Variants in REXO2 observed in about 807,000 individuals in gnomAD.
The protein encoded by REXO2 is RNA exonuclease 2.
REXO2 carries 17 observed loss-of-function variants against 30.9 expected under a neutral mutation model. The ratio of observed to expected loss-of-function variants is 0.55; its 90% CI spans 0.38 to 0.82. REXO2 has a LOEUF of 0.82. REXO2 is among the 40% of genes least tolerant of loss of function. REXO2 has a pLI of 0.00. For missense variants in REXO2, 253 were observed against 293.2 expected, an observed-to-expected ratio of 0.86 and a Z score of 1.00; for synonymous variants, 105 against 99.6, an observed-to-expected ratio of 1.05 and a Z score of -0.32.
At position 114,446,933 on chromosome 11, in the gene REXO2, C is replaced by CTTTTT. The variant is rs539152554; in HGVS notation, c.530+865_530+869dup. ...AAGTGGTAGAAAGATAGAAAGGAGG[C>CTTTTT]TTTTTTTTTTTTTTTTTTTTTTTGA... On this transcript the variant is annotated intron_variant, in intron 5 of 6. Transcript: ENST00000265881. Among the ~76,000 whole-genome samples, 68 of 94,362 alleles carry CTTTTT rather than the reference C, an allele frequency of 7.2e-4. 1 individual carries two copies. Among genetic ancestry groups the CTTTTT allele is most frequent in the African/African-American group, 2.0e-3 (46 of 23,064 alleles). 61.9% of individuals were successfully genotyped at this position (94,362 alleles called of 152,430 possible).
At chr11:114,439,827 G>C in intron 1 of REXO2, 152 bp downstream of exon 1, 1 of 888,094 alleles carries the variant, frequency 1.1e-6, no homozygotes, top group Non-Finnish European at 1.6e-6. Context: ...GGCAAGTCCG[G>C]AGGCAGGAGT....
chr11:114,448,169 C>A (rs1322545276), intron 6 of REXO2, among the ~76,000 whole-genome samples: 2 of 152,150 alleles, frequency 1.3e-5, no homozygotes, highest in Non-Finnish European at 2.9e-5. Context: ...TGTTAACTTT[C>A]TTCCCACAGA....
intron 5 of REXO2, 101 bp downstream of exon 5, chr11:114,446,188 C>A: frequency 4.6e-6 from 3 of 647,842 alleles, no homozygotes; most frequent in East Asian, 2.7e-5. Flanking sequence ...CTAAGGCTAC[C>A]AAGTGGGTTC....
chr11:114,443,901 A>C lies in REXO2; in HGVS notation c.277A>C (p.Met93Leu), dbSNP rs115668978. 1.2e-6 allele frequency: 2 copies of C among 1,609,680 alleles called. No homozygotes were observed. Among genetic ancestry groups the C allele is most frequent in the Non-Finnish European group, 1.7e-6 (2 of 1,178,036 alleles). Residue 93 changes from methionine (M) to leucine (L), a missense_variant, in exon 3 of 7, where the codon ATG becomes CTG. By Grantham distance (15) the Met-to-Leu change is conservative. Transcript: ENST00000265881. The stretch of plus-strand genomic sequence containing the variant: ...ACAACCAGATGAGTTGCTGGACAGC[A>C]TGTCAGATTGGTGTAAGGAGCATCA... The part of the protein sequence containing the change: ...IKQPDELLDS[M>L]SDWCKEHHGK...
In REXO2 at chr11:114,444,540, G is replaced by T. The variant is rs781136639; in HGVS notation, c.310-1G>T. 1.7e-5 allele frequency: 27 copies of T among 1,603,376 alleles called. No individual in the cohort carries two copies. Among genetic ancestry groups the T allele is most frequent in the Non-Finnish European group, 2.3e-5 (27 of 1,173,944 alleles). On this transcript the variant is annotated splice_acceptor_variant, in intron 3 of 6. Coordinates refer to ENST00000265881, the MANE Select transcript of REXO2 (RefSeq NM_015523.4). LOFTEE classifies it high-confidence loss of function. Reference sequence around the variant, plus strand: ...GGGGGGCTGGGGATTCTCTCTTGCAGTCTGGCCTTACCAAGGCAGTGAAGG... The same window carrying T: ...GGGGGGCTGGGGATTCTCTCTTGCATTCTGGCCTTACCAAGGCAGTGAAGG...
At chr11:114,447,005 C>T (rs1466261993) in intron 5 of REXO2, among the ~76,000 whole-genome samples, 1 of 140,364 alleles carries the variant, frequency 7.1e-6, no homozygotes, top group East Asian at 2.2e-4. Flanking sequence ...GTGGCGCGAT[C>T]TCCGCTCACT....
At chr11:114,444,248 C>T in intron 3 of REXO2, 1 of 615,882 alleles carries the variant, frequency 1.6e-6, no homozygotes, top group Non-Finnish European at 3.0e-6. Flanking sequence ...GGGATTGCTG[C>T]TCTCCTGTTA....
Position 114,439,657 on chromosome 11 carries a change from G to A in REXO2, c.129G>A (p.Met43Ile), listed in dbSNP as rs200852670. The A allele has an allele frequency of 2.8e-4, 445 of 1,570,834 alleles. 3 individuals carry two copies. The highest frequency in any genetic ancestry group is 3.2e-4 in the Non-Finnish European group (370 of 1,161,850). The change falls in exon 1 of 7, where the codon ATG becomes ATA. Residue 43 changes from methionine to isoleucine, a missense_variant. By Grantham distance (10) the Met-to-Ile change is conservative. Transcript: ENST00000265881. ...MAAGESMAQRMVWVDLEMTGL... is the reference protein window; with the variant it reads ...MAAGESMAQRIVWVDLEMTGL... ...CAGGGGAGAGCATGGCTCAGCGGAT[G>A]GTCTGGGTGGACCTGGAGGTGAGTG...
chr11:114,440,124 A>G, intron 1 of REXO2: 1 of 465,528 alleles, frequency 2.1e-6, no homozygotes, highest in Non-Finnish European at 4.3e-6. Context: ...TGAGGCCCAC[A>G]GAAAGGATTC....
chr11:114,439,694 G>T lies in REXO2; in HGVS notation c.147+19G>T. On this transcript the variant is annotated intron_variant, in intron 1 of 6. Coordinates refer to ENST00000265881, the MANE Select transcript of REXO2 (RefSeq NM_015523.4). Reference sequence around the variant, plus strand: ...CCTGGAGGTGAGTGAGGTCGGCGGGGGGCTTGGGGAGGCGAGTGAGGTTTC... The same window carrying T: ...CCTGGAGGTGAGTGAGGTCGGCGGGTGGCTTGGGGAGGCGAGTGAGGTTTC... 6.8e-7 allele frequency: 1 copy of T among 1,477,850 alleles called. No homozygotes were observed. Among genetic ancestry groups the T allele is most frequent in the Non-Finnish European group, 8.9e-7 (1 of 1,118,074 alleles). The allele number at this position is 1,477,850 out of a possible 1,614,324, so 91.5% of individuals were successfully genotyped here. A position where few individuals can be genotyped will look rare whatever the true frequency, so the allele number is the denominator to read the frequency against.
chr11:114,440,923 A>G (rs1351724443), intron 2 of REXO2, 184 bp downstream of exon 2: 5 of 445,138 alleles, frequency 1.1e-5, no homozygotes, highest in African/African-American at 8.1e-5. Context: ...CCTAGTGAAA[A>G]TTAAAAATTA....
Position 114,443,860 on chromosome 11 carries a change from C to T in REXO2, c.236C>T (p.Pro79Leu). Residue 79 changes from proline (P) to leucine (L), a missense_variant, in exon 3 of 7, where the codon CCT (proline) becomes CTT (leucine). Physicochemically the swap from Pro to Leu is moderately conservative, Grantham distance 98. Coordinates refer to ENST00000265881, the MANE Select transcript of REXO2 (RefSeq NM_015523.4). Reference protein sequence around the residue: ...DSDLNILAEGPNLIIKQPDEL... With the variant: ...DSDLNILAEGLNLIIKQPDEL... The stretch of plus-strand genomic sequence containing the variant: ...GATGGCGTTTCCCATCCACAGGGTC[C>T]TAACCTGATTATAAAACAACCAGAT... The T allele has an allele frequency of 6.2e-7, 1 of 1,606,262 alleles. No individual in the cohort carries two copies. Among genetic ancestry groups the T allele is most frequent in the Non-Finnish European group, 8.5e-7 (1 of 1,176,048 alleles).
At chr11:114,448,308 G>T (rs759783246) in intron 6 of REXO2, among the ~76,000 whole-genome samples, 1 of 152,154 alleles carries the variant, frequency 6.6e-6, no homozygotes, top group African/African-American at 2.4e-5. Context: ...TTAGGTACAA[G>T]TAGACAAGGA....
At chr11:114,449,738 A>T in intron 6 of REXO2, 108 bp from the exon 7 acceptor site, 1 of 1,055,060 alleles carries the variant, frequency 9.5e-7, no homozygotes, top group Non-Finnish European at 1.4e-6. Context: ...AGTGACACTT[A>T]CAGTAACATC....
At position 114,449,856 on chromosome 11, in the gene REXO2, G is replaced by A; in HGVS notation, c.595G>A (p.Asp199Asn). The change falls in exon 7 of 7, where the codon GAC becomes AAC. Residue 199 changes from aspartate (D) to asparagine (N), a missense_variant. Physicochemically the swap from Asp to Asn is conservative, Grantham distance 23. Coordinates refer to ENST00000265881, the MANE Select transcript of REXO2 (RefSeq NM_015523.4). Reference sequence around the variant, plus strand: ...TATGTTTGCTTATAGGGCACTTGATGACATTAGTGAAAGCATCAAAGAGCT... The same window carrying A: ...TATGTTTGCTTATAGGGCACTTGATAACATTAGTGAAAGCATCAAAGAGCT... The part of the protein sequence containing the change: ...KKAASHRALD[D>N]ISESIKELQF... The A allele has an allele frequency of 6.2e-7, 1 of 1,608,820 alleles. No individual in the cohort carries two copies. Among genetic ancestry groups the A allele is most frequent in the Non-Finnish European group, 8.5e-7 (1 of 1,177,504 alleles).
intron 2 of REXO2, 126 bp from the exon 3 acceptor site, chr11:114,443,730 A>C (rs765058014): frequency 2.9e-5 from 19 of 663,464 alleles, no homozygotes; most frequent in Admixed American, 1.4e-4. Flanking sequence ...GGGAACACTT[A>C]AAGTATCCTT....
intron 5 of REXO2, among the ~76,000 whole-genome samples, 160 bp from the exon 6 acceptor site, chr11:114,447,666 A>G (rs1282143758): frequency 1.3e-5 from 2 of 152,258 alleles, no homozygotes; most frequent in Non-Finnish European, 1.5e-5. Context: ...TATATAGAAG[A>G]AAGAGAGGAG....
intron 2 of REXO2, among the ~76,000 whole-genome samples, chr11:114,442,585 T>A (rs1434790257): frequency 1.2e-4 from 18 of 152,238 alleles, no homozygotes; most frequent in Admixed American, 1.2e-3. Flanking sequence ...TGAACTGTTT[T>A]TACCACCTTA....
chr11:114,442,008 C>T, intron 2 of REXO2: 1 of 523,576 alleles, frequency 1.9e-6, no homozygotes, highest in Non-Finnish European at 3.4e-6. Flanking sequence ...AAGAGTGTTT[C>T]CTTTAGACTG....
Sources: gnomAD v4.1 joint callset for allele counts (sites outside exome capture counted in the v4.1 genomes callset) on GRCh38, gnomAD v4.1.1 for gene constraint, MANE v1.5 for transcripts, NCBI Gene and HGNC (gene_info 2026-07-23, HGNC 2026-07-21) for gene names.